Variants in CCSER1 observed in about 807,000 individuals in gnomAD.
CCSER1 encodes serine-rich coiled-coil domain-containing protein 1.
CCSER1 carries 41 observed loss-of-function variants against 82.0 expected under a neutral mutation model. The ratio of observed to expected loss-of-function variants is 0.50; its 90% CI spans 0.39 to 0.65. CCSER1 has a LOEUF of 0.65. Among genes scored for constraint, CCSER1 ranks in the 30% least tolerant of loss-of-function variants. The probability of loss-of-function intolerance (pLI) is 0.00; values close to 1 mark genes in which losing one functional copy is unlikely to be tolerated. For missense variants in CCSER1, 1,119 were observed against 1,064.2 expected (o/e 1.05, Z -0.72); for synonymous variants, 414 against 383.9 (o/e 1.08, Z -0.92).
intron 10 of CCSER1, among the ~76,000 whole-genome samples, chr4:91,086,457 G>A (rs894456636): frequency 3.2e-4 from 49 of 151,986 alleles, no homozygotes; most frequent in African/African-American, 1.0e-3. Context: ...AGTTGCTCTG[G>A]TAAAGCTAGT....
At chr4:91,135,208 G>A (rs1452110936) in intron 10 of CCSER1, among the ~76,000 whole-genome samples, 2 of 152,098 alleles carry the variant, frequency 1.3e-5, no homozygotes, top group African/African-American at 4.8e-5. Context: ...TTTAATATCT[G>A]TGATGAAGTA....
intron 3 of CCSER1, among the ~76,000 whole-genome samples, chr4:90,336,592 A>G (rs370284606): frequency 1.6e-3 from 245 of 152,288 alleles, no homozygotes; most frequent in South Asian, 6.2e-3. Flanking sequence ...GATTTCCCTT[A>G]TCATTATGTG....
intron 10 of CCSER1, among the ~76,000 whole-genome samples, chr4:91,090,886 G>C (rs1318417829): frequency 6.6e-6 from 1 of 152,024 alleles, no homozygotes; most frequent in Non-Finnish European, 1.5e-5. Flanking sequence ...TCAATGCCTG[G>C]AGATACGTAC....
At chr4:90,436,617 T>G (rs1035951812) in intron 4 of CCSER1, among the ~76,000 whole-genome samples, 4 of 152,184 alleles carry the variant, frequency 2.6e-5, no homozygotes, top group African/African-American at 9.6e-5. Flanking sequence ...CAGATATGTT[T>G]ATAAGAATCC....
At chr4:90,194,446 C>T (rs1736226828) in intron 1 of CCSER1, among the ~76,000 whole-genome samples, 1 of 151,972 alleles carries the variant, frequency 6.6e-6, no homozygotes, top group South Asian at 2.1e-4. Context: ...TACACTCTGT[C>T]TTATATGCCA....
At chr4:90,896,469 T>C (rs1481386492) in intron 8 of CCSER1, among the ~76,000 whole-genome samples, 1 of 152,002 alleles carries the variant, frequency 6.6e-6, no homozygotes, top group Non-Finnish European at 1.5e-5. Flanking sequence ...GCATCACGAA[T>C]ATTTTGGTAA....
intron 5 of CCSER1, among the ~76,000 whole-genome samples, chr4:90,578,958 A>G (rs1781089106): frequency 8.9e-6 from 1 of 112,544 alleles, no homozygotes; most frequent in South Asian, 2.8e-4. Flanking sequence ...ACAAGAATGC[A>G]AATCATAATC....
intron 1 of CCSER1, among the ~76,000 whole-genome samples, chr4:90,275,443 T>A (rs187829569): frequency 9.2e-5 from 14 of 152,252 alleles, no homozygotes; most frequent in Non-Finnish European, 1.8e-4. Context: ...AATGTGATAA[T>A]CGTAAGCCTA....
At chr4:91,314,878 G>A (rs1394371695) in intron 10 of CCSER1, among the ~76,000 whole-genome samples, 1 of 151,886 alleles carries the variant, frequency 6.6e-6, no homozygotes, top group Non-Finnish European at 1.5e-5. Context: ...CTCCCTAAAG[G>A]TAATGATTCA....
intron 1 of CCSER1, among the ~76,000 whole-genome samples, chr4:90,254,333 A>AG (rs1482933237): frequency 3.3e-5 from 5 of 152,158 alleles, no homozygotes; most frequent in Admixed American, 3.3e-4. Flanking sequence ...TCACTTCTCT[A>AG]GGAATGACAG....
chr4:90,856,073 A>T (rs974716813), intron 8 of CCSER1, among the ~76,000 whole-genome samples: 1 of 152,154 alleles, frequency 6.6e-6, no homozygotes, highest in Non-Finnish European at 1.5e-5. Flanking sequence ...TACATAACCT[A>T]TGCAAAATAT....
intron 8 of CCSER1, among the ~76,000 whole-genome samples, chr4:90,884,320 T>C (rs1721793225): frequency 6.6e-6 from 1 of 152,128 alleles, no homozygotes. Flanking sequence ...AAGAAAAATG[T>C]GTAAAAGTAG....
intron 7 of CCSER1, among the ~76,000 whole-genome samples, chr4:90,746,112 A>G (rs1400714047): frequency 2.6e-5 from 4 of 152,156 alleles, no homozygotes; most frequent in Admixed American, 6.5e-5. Flanking sequence ...TGAAGCCTCA[A>G]AGTAGTTTAA....
At chr4:91,551,726 G>A (rs762170950) in intron 10 of CCSER1, among the ~76,000 whole-genome samples, 3 of 147,496 alleles carry the variant, frequency 2.0e-5, no homozygotes, top group Non-Finnish European at 4.5e-5. Context: ...AAGCACTCAA[G>A]ATGGAGGACT....
At chr4:90,487,031 C>A (rs1219255010) in intron 5 of CCSER1, among the ~76,000 whole-genome samples, 2 of 152,154 alleles carry the variant, frequency 1.3e-5, no homozygotes, top group Non-Finnish European at 2.9e-5. Flanking sequence ...CCTGCCTCAG[C>A]CTTCTGAGTA....
intron 7 of CCSER1, among the ~76,000 whole-genome samples, chr4:90,749,824 G>A (rs1242346354): frequency 6.6e-6 from 1 of 151,674 alleles, no homozygotes; most frequent in East Asian, 1.9e-4. Flanking sequence ...GGATGGCTGG[G>A]TCAAATGGTA....
At chr4:90,257,515 A>G (rs1671827033) in intron 1 of CCSER1, among the ~76,000 whole-genome samples, 1 of 151,816 alleles carries the variant, frequency 6.6e-6, no homozygotes, top group Non-Finnish European at 1.5e-5. Context: ...AGAGAGAGAG[A>G]GTGCCAATAG....
intron 10 of CCSER1, among the ~76,000 whole-genome samples, chr4:91,527,134 T>A (rs1406153681): frequency 6.6e-6 from 1 of 152,188 alleles, no homozygotes; most frequent in Non-Finnish European, 1.5e-5. Context: ...CATTAACAGA[T>A]CTTTAAAGAG....
At chr4:90,839,743 G>C (rs983612854) in intron 8 of CCSER1, among the ~76,000 whole-genome samples, 1 of 152,108 alleles carries the variant, frequency 6.6e-6, no homozygotes, top group Non-Finnish European at 1.5e-5. Context: ...TTGAAGTAAA[G>C]GTGCAGAAGA....
Sources: gnomAD v4.1 joint callset for allele counts (sites outside exome capture counted in the v4.1 genomes callset) on GRCh38, gnomAD v4.1.1 for gene constraint, MANE v1.5 for transcripts, NCBI Gene and HGNC (gene_info 2026-07-23, HGNC 2026-07-21) for gene names.